The following SIM1 variants were observed in gnomAD, a reference collection of about 807,000 sequenced individuals.
SIM1 encodes the protein single-minded homolog 1.
A neutral mutation model predicts 78.2 loss-of-function variants in SIM1; 18 were observed. The ratio of observed to expected loss-of-function variants is 0.23; its 90% CI spans 0.16 to 0.34. The LOEUF is 0.34. Ranked by LOEUF, SIM1 falls within the 10% of genes least tolerant of loss-of-function variation. The pLI, the probability that SIM1 is intolerant of heterozygous loss-of-function variation, is 1.00. For synonymous variants in SIM1, 417 were observed against 385.2 expected, an observed-to-expected ratio of 1.08 and a Z score of -0.97; for missense variants, 939 against 975.1, an observed-to-expected ratio of 0.96 and a Z score of 0.49.
In SIM1 at chr6:100,442,861, C is replaced by T. The variant is rs1772251044; in HGVS notation, c.998+4407G>A. ...AAATAATGTACCTAAAAGAGGAAAG[C>T]AATATGAACATATTTTAATGTTTGC... is the stretch of plus-strand genomic sequence containing the variant. On this transcript the variant is annotated intron_variant, in intron 9 of 11. Coordinates refer to ENST00000369208, the MANE Select transcript of SIM1 (RefSeq NM_005068.3). Among the ~76,000 whole-genome samples the T allele has an allele frequency of 2.0e-5, 3 of 151,910 alleles. No homozygotes were observed. In the South Asian group the frequency reaches 6.3e-4, roughly 32 times the overall value.
intron 10 of SIM1, among the ~76,000 whole-genome samples, chr6:100,405,858 G>A (rs900431909): frequency 1.5e-4 from 23 of 152,100 alleles, no homozygotes; most frequent in African/African-American, 4.8e-4. Flanking sequence ...GAATCAGCAC[G>A]CAGGACCCAG....
chr6:100,450,320 C>CA lies in SIM1; in HGVS notation c.294dup (p.Gly99TrpfsTer28). On this transcript the variant is annotated frameshift_variant, in exon 4 of 12. Transcript: ENST00000369208. LOFTEE classifies it high-confidence loss of function. ...GTCTCTGAGATGTACATGATCTTCC[C>CA]ATCTGGGGCTACCACGAAGATGAAG... 1 of 1,614,098 alleles carries CA rather than the reference C, an allele frequency of 6.2e-7. No homozygotes were observed. The highest frequency in any genetic ancestry group is 8.5e-7 in the Non-Finnish European group (1 of 1,180,034).
intron 4 of SIM1, 71 bp downstream of exon 4, chr6:100,450,196 C>G: frequency 7.4e-7 from 1 of 1,343,042 alleles, no homozygotes; most frequent in Admixed American, 1.7e-5. Context: ...AGCCCCCAAC[C>G]CAGCCCCCTA....
Position 100,445,701 on chromosome 6 carries a change from A to G in SIM1, c.998+1567T>C, listed in dbSNP as rs1190965611. Among the ~76,000 whole-genome samples the G allele has an allele frequency of 3.3e-5, 5 of 152,320 alleles. No homozygotes were observed. In the East Asian group the frequency reaches 9.6e-4, roughly 29 times the overall value. Reference sequence around the variant, plus strand: ...CCCTGCTGTTTGATAAAAAATGATTACTAACCACAGGCACCCACCAGAGAA... The same window carrying G: ...CCCTGCTGTTTGATAAAAAATGATTGCTAACCACAGGCACCCACCAGAGAA... On this transcript the variant is annotated intron_variant, in intron 9 of 11. Transcript: ENST00000369208.
intron 9 of SIM1, among the ~76,000 whole-genome samples, chr6:100,442,768 T>A (rs906265612): frequency 6.6e-6 from 1 of 152,046 alleles, no homozygotes; most frequent in African/African-American, 2.4e-5. Flanking sequence ...CTAGTAATAA[T>A]AATAATATAT....
Position 100,388,014 on chromosome 6 carries a change from A to C in SIM1, c.*2347T>G, listed in dbSNP as rs1770551792. On this transcript the variant is annotated 3_prime_UTR_variant, in exon 12 of 12. Transcript: ENST00000369208. ...ATATTTTTTCTTCCAAACATCTATC[A>C]ATCTACAGAATTCTACAAAACCTTT... 2 of 152,172 alleles carry C rather than the reference A, an allele frequency of 1.3e-5. No individual in the cohort carries two copies. The highest frequency in any genetic ancestry group is 4.8e-5 in the African/African-American group (2 of 41,448). 9.4% of individuals were successfully genotyped at this position (152,172 alleles called of 1,614,324 possible). A position where few individuals can be genotyped will look rare whatever the true frequency, so the allele number is the denominator to read the frequency against.
At position 100,393,418 on chromosome 6, in the gene SIM1, T is replaced by C. The variant is rs1236181044; in HGVS notation, c.1570+69A>G. 7 of 1,314,406 alleles carry C rather than the reference T, an allele frequency of 5.3e-6. No individual in the cohort carries two copies. In the East Asian group the frequency reaches 1.3e-4, roughly 24 times the overall value. 81.4% of individuals were successfully genotyped at this position (1,314,406 alleles called of 1,614,324 possible). A position where few individuals can be genotyped will look rare whatever the true frequency, so the allele number is the denominator to read the frequency against. On this transcript the variant is annotated intron_variant, in intron 11 of 11. Transcript: ENST00000369208. Reference sequence around the variant, plus strand: ...ATAACTATTTGGTCATTCACTCTAGTGTCACAATGTGATGAACCTGCCCAG... The same window carrying C: ...ATAACTATTTGGTCATTCACTCTAGCGTCACAATGTGATGAACCTGCCCAG...
chr6:100,410,227 T>C (rs1405929363), intron 10 of SIM1, among the ~76,000 whole-genome samples: 1 of 152,220 alleles, frequency 6.6e-6, no homozygotes, highest in African/African-American at 2.4e-5. Context: ...TAATAATATT[T>C]TATTCTATAG....
chr6:100,428,724 G>C (rs942483549), intron 9 of SIM1, among the ~76,000 whole-genome samples: 3 of 151,910 alleles, frequency 2.0e-5, no homozygotes, highest in Admixed American at 1.3e-4. Flanking sequence ...ATCATGGATA[G>C]TGCCAAACCC....
Position 100,463,727 on chromosome 6 carries a change from AT to A in SIM1, c.-260del, listed in dbSNP as rs1772917498. ...CCACCGAATTTGGGCGATCCACCGA[AT>A]TTGGGCAATCCTGAGGGTCGTTCAG... On this transcript the variant is annotated 5_prime_UTR_variant, in exon 2 of 12. Transcript: ENST00000369208. 2.6e-5 allele frequency: 9 copies of A among 348,856 alleles called. No homozygotes were observed. In the South Asian group the frequency reaches 6.4e-4, roughly 25 times the overall value. 21.6% of individuals were successfully genotyped at this position (348,856 alleles called of 1,614,324 possible). A position where few individuals can be genotyped will look rare whatever the true frequency, so the allele number is the denominator to read the frequency against.
At chr6:100,425,954 C>T (rs923144300) in intron 9 of SIM1, among the ~76,000 whole-genome samples, 1 of 152,188 alleles carries the variant, frequency 6.6e-6, no homozygotes, top group Non-Finnish European at 1.5e-5. Flanking sequence ...TGCTCTCCTT[C>T]TAAAGTTTTC....
At chr6:100,451,203 G>A (rs1772504686) in intron 3 of SIM1, among the ~76,000 whole-genome samples, 3 of 152,190 alleles carry the variant, frequency 2.0e-5, no homozygotes, top group Non-Finnish European at 4.4e-5. Flanking sequence ...CCCAGAGCCT[G>A]AGTGACCGGA....
In SIM1 at chr6:100,385,677, G is replaced by A. The variant is rs1199009853; in HGVS notation, c.*4684C>T. On this transcript the variant is annotated 3_prime_UTR_variant, in exon 12 of 12. Coordinates refer to ENST00000369208, the MANE Select transcript of SIM1 (RefSeq NM_005068.3). Reference sequence around the variant, plus strand: ...CCATCATTTATTTATTTATGTGTGTGTGTGTGTGTGTGTGTGTGTGTGTGT... The same window carrying A: ...CCATCATTTATTTATTTATGTGTGTATGTGTGTGTGTGTGTGTGTGTGTGT... The A allele has an allele frequency of 3.6e-5, 4 of 111,770 alleles. No individual in the cohort carries two copies. Among genetic ancestry groups the A allele is most frequent in the Non-Finnish European group, 6.0e-5 (3 of 49,848 alleles). 6.9% of individuals were successfully genotyped at this position (111,770 alleles called of 1,614,324 possible).
At chr6:100,458,346 C>T (rs1262685251) in intron 2 of SIM1, among the ~76,000 whole-genome samples, 5 of 152,200 alleles carry the variant, frequency 3.3e-5, no homozygotes. Flanking sequence ...GAGGCCCGCG[C>T]TGGCGAGGCC....
intron 10 of SIM1, among the ~76,000 whole-genome samples, chr6:100,420,055 A>T (rs188719933): frequency 1.3e-5 from 2 of 152,260 alleles, no homozygotes; most frequent in Admixed American, 1.3e-4. Context: ...TGGCCACAGG[A>T]TATTGGGAGT....
At chr6:100,440,467 G>T (rs779642543) in intron 9 of SIM1, among the ~76,000 whole-genome samples, 63 of 152,126 alleles carry the variant, frequency 4.1e-4, no homozygotes, top group Non-Finnish European at 8.1e-4. Flanking sequence ...CCCAAACATT[G>T]TCAATGCCCC....
At chr6:100,394,265 C>G (rs766601225) in intron 10 of SIM1, among the ~76,000 whole-genome samples, 2 of 152,184 alleles carry the variant, frequency 1.3e-5, no homozygotes, top group East Asian at 3.9e-4. Context: ...AGCTAACGCT[C>G]AGAGAGAGAA....
intron 10 of SIM1, among the ~76,000 whole-genome samples, chr6:100,409,893 T>C (rs534806542): frequency 6.6e-6 from 1 of 152,340 alleles, no homozygotes; most frequent in Non-Finnish European, 1.5e-5. Flanking sequence ...AAAAGATACT[T>C]GATATAAGTC....
At chr6:100,459,633 AGTTT>A (rs1266584469) in intron 2 of SIM1, among the ~76,000 whole-genome samples, 1 of 152,230 alleles carries the variant, frequency 6.6e-6, no homozygotes, top group Non-Finnish European at 1.5e-5. Context: ...CATCTGTGGA[AGTTT>A]GTTTAATCAC....
Sources: allele counts gnomAD v4.1 joint callset (sites outside exome capture counted in the v4.1 genomes callset), GRCh38; gene constraint gnomAD v4.1.1; transcripts MANE v1.5; gene names NCBI Gene and HGNC (gene_info 2026-07-23, HGNC 2026-07-21).